Variants in ZNF646 observed in about 807,000 individuals in gnomAD.
ZNF646 encodes zinc finger protein 646.
ZNF646 carries 49 observed loss-of-function variants against 115.4 expected under a neutral mutation model. The observed-to-expected ratio is 0.42, with a 90% CI of 0.34 to 0.54. The LOEUF is 0.54. Ranked by LOEUF, ZNF646 falls within the 20% of genes least tolerant of loss-of-function variation. The pLI is 0.04. For missense variants in ZNF646, 2,269 were observed against 2,457.9 expected, an observed-to-expected ratio of 0.92 and a Z score of 1.62; for synonymous variants, 933 against 939.0, an observed-to-expected ratio of 0.99 and a Z score of 0.12.
At position 31,080,942 on chromosome 16, in the gene ZNF646, T is replaced by TA. The variant is rs1254092647; in HGVS notation, c.4619dup (p.Tyr1540Ter). 6.2e-7 allele frequency: 1 copy of TA among 1,614,122 alleles called. No homozygotes were observed. Among genetic ancestry groups the TA allele is most frequent in the South Asian group, 1.1e-5 (1 of 91,090 alleles). Residue 1540 changes from tyrosine to a stop codon, truncating the protein, a stop_gained and frameshift_variant, in exon 2 of 3, where the codon TAC (tyrosine) becomes TAAC (stop). Transcript: ENST00000300850. LOFTEE classifies it high-confidence loss of function. The part of the protein sequence containing the change: ...HSSCSQCGKT[Y>*]CQSGSLLNHN... ...CTCTTGCAGCCAGTGTGGCAAGACT[T>TA]ACTGCCAGTCAGGCAGCCTCTTGAA... is the stretch of plus-strand genomic sequence containing the variant.
At position 31,080,895 on chromosome 16, in the gene ZNF646, A is replaced by G; in HGVS notation, c.4571A>G (p.Gln1524Arg). The G allele has an allele frequency of 6.2e-7, 1 of 1,614,114 alleles. No individual in the cohort carries two copies. The highest frequency in any genetic ancestry group is 1.1e-5 in the South Asian group (1 of 91,090). ...DSWDNRDNSS[Q>R]LQPGSHSSCS... ...TGGGACAACAGAGACAACAGCTCTC[A>G]GCTGCAGCCAGGGAGCCACTCCTCT... is the stretch of plus-strand genomic sequence containing the variant. Residue 1524 changes from glutamine to arginine, a missense_variant, in exon 2 of 3, where the codon CAG becomes CGG. Coordinates refer to ENST00000300850, the MANE Select transcript of ZNF646 (RefSeq NM_014699.4).
In ZNF646 at chr16:31,076,779, C is replaced by G. The variant is rs1188591668; in HGVS notation, c.455C>G (p.Ser152Cys). The G allele has an allele frequency of 1.2e-6, 2 of 1,613,974 alleles. No homozygotes were observed. Among genetic ancestry groups the G allele is most frequent in the South Asian group, 2.2e-5 (2 of 91,088 alleles). Residue 152 changes from serine (S) to cysteine (C), a missense_variant, in exon 2 of 3, where the codon TCT (serine) becomes TGT (cysteine). Around this residue, in one of 5 missense-constraint regions of ZNF646, gnomAD observed 334 missense variants for 323.5 expected, o/e 1.03. Coordinates refer to ENST00000300850, the MANE Select transcript of ZNF646 (RefSeq NM_014699.4). ...ACAGAAGAGACACCTGACTGTGAAT[C>G]TGTACCTGACCCCAGGGCAGCTTCG... ...KHTEETPDCESVPDPRAASGT... is the reference protein window; with the variant it reads ...KHTEETPDCECVPDPRAASGT...
Position 31,079,974 on chromosome 16 carries a change from G to A in ZNF646, c.3650G>A (p.Ser1217Asn), listed in dbSNP as rs1421335356. 6.2e-7 allele frequency: 1 copy of A among 1,609,320 alleles called. No individual in the cohort carries two copies. The highest frequency in any genetic ancestry group is 1.3e-5 in the African/African-American group (1 of 74,848). ...GGCCGATCCTACAAGCACGCCGGCA[G>A]CCTCATCAACCACCGGCAGAGCCAC... ...VCGRSYKHAG[S>N]LINHRQSHQT... Residue 1217 changes from serine (S) to asparagine (N), a missense_variant, in exon 2 of 3, where the codon AGC (serine) becomes AAC (asparagine). This residue lies in a region of ZNF646 where 1,062 missense variants were observed against 1,172.8 expected (regional missense o/e 0.91). Transcript: ENST00000300850. This position sits in a 1 kb window ranked among gnomAD's most constrained non-coding sequence, Gnocchi z 5.5.
Position 31,084,016 on chromosome 16 carries a change from C to T in ZNF646, c.*924C>T. The T allele has an allele frequency of 6.7e-7, 1 of 1,501,676 alleles. No individual in the cohort carries two copies. Among genetic ancestry groups the T allele is most frequent in the Non-Finnish European group, 8.9e-7 (1 of 1,120,882 alleles). The allele number at this position is 1,501,676 out of a possible 1,614,324, so 93.0% of individuals were successfully genotyped here. ...TCAAATGGGTCTGCCTGTTGCTCCA[C>T]CCTACCCAAGGCAGCTGGAGTGGGT... On this transcript the variant is annotated 3_prime_UTR_variant, in exon 3 of 3. Coordinates refer to ENST00000300850, the MANE Select transcript of ZNF646 (RefSeq NM_014699.4).
At chr16:31,072,833 TCCTGGGCTCGGGGAGCCCTTG>T (rs2057025887), upstream of ZNF646, 2 of 152,366 alleles carry the variant, frequency 1.3e-5, no homozygotes, top group South Asian at 4.1e-4. Context: ...AGATGCAGTT[TCCTGGGCTCGGGGAGCCCTTG>T]CCTGCCTTCT....
Position 31,076,775 on chromosome 16 carries a change from G to A in ZNF646, c.451G>A (p.Glu151Lys), listed in dbSNP as rs1451272971. 6.2e-7 allele frequency: 1 copy of A among 1,613,954 alleles called. No homozygotes were observed. The highest frequency in any genetic ancestry group is 1.1e-5 in the South Asian group (1 of 91,082). The change falls in exon 2 of 3, where the codon GAA (glutamate) becomes AAA (lysine). Residue 151 changes from glutamate to lysine, a missense_variant. Glu to Lys is a moderately conservative substitution (Grantham distance 56). Around this residue, in one of 5 missense-constraint regions of ZNF646, gnomAD observed 334 missense variants for 323.5 expected, o/e 1.03. Coordinates refer to ENST00000300850, the MANE Select transcript of ZNF646 (RefSeq NM_014699.4). ...ACATACAGAAGAGACACCTGACTGT[G>A]AATCTGTACCTGACCCCAGGGCAGC... Reference protein sequence around the residue: ...TKHTEETPDCESVPDPRAASG... With the variant: ...TKHTEETPDCKSVPDPRAASG...
intron 1 of ZNF646, chr16:31,075,777 C>T (rs1245790963): frequency 6.6e-6 from 1 of 152,302 alleles, no homozygotes; most frequent in Non-Finnish European, 1.5e-5. Flanking sequence ...TTCAGTGCTT[C>T]TCAGCTACTC....
chr16:31,076,526 C>G lies in ZNF646; in HGVS notation c.202C>G (p.Arg68Gly), dbSNP rs748056194. ...RHPGSLVNHR[R>G]THETGLFPCT... ...CCCCGGGAGCCTGGTTAACCATCGT[C>G]GGACCCACGAGACTGGCCTTTTCCC... Residue 68 changes from arginine to glycine, a missense_variant, in exon 2 of 3, where the codon CGG (arginine) becomes GGG (glycine). Around this residue, in one of 5 missense-constraint regions of ZNF646, gnomAD observed 334 missense variants for 323.5 expected, o/e 1.03. Coordinates refer to ENST00000300850, the MANE Select transcript of ZNF646 (RefSeq NM_014699.4). The G allele has an allele frequency of 1.2e-6, 2 of 1,613,456 alleles. No individual in the cohort carries two copies. The highest frequency in any genetic ancestry group is 1.1e-5 in the South Asian group (1 of 91,078).
In ZNF646 at chr16:31,078,655, G is replaced by A. The variant is rs983002445; in HGVS notation, c.2331G>A (p.Glu777=). ...SLLDNLDIPG[E]EGGGTHFCDS... The stretch of plus-strand genomic sequence containing the variant: ...TTGACAACTTGGACATCCCAGGTGA[G>A]GAAGGTGGTGGCACTCACTTCTGCG... Residue 777 remains glutamate, a synonymous_variant, in exon 2 of 3, where the codon GAG becomes GAA. Transcript: ENST00000300850. 16 of 1,614,090 alleles carry A rather than the reference G, an allele frequency of 9.9e-6. No homozygotes were observed. In the African/African-American group the frequency reaches 1.2e-4, roughly 12 times the overall value.
rs377163027 is a variant in ZNF646, at chr16:31,080,175, G to A, written c.3851G>A (p.Arg1284His). ...CACCAGCGGGTCCACATGGAACGGC[G>A]TGGGGGTGGGGGCACCCGAAAGGCG... ...ASHQRVHMER[R>H]GGGGTRKATR... The change falls in exon 2 of 3, where the codon CGT (arginine) becomes CAT (histidine). Residue 1284 changes from arginine to histidine, a missense_variant. Arg to His is a conservative substitution (Grantham distance 29). Coordinates refer to ENST00000300850, the MANE Select transcript of ZNF646 (RefSeq NM_014699.4). 23 of 1,610,362 alleles carry A rather than the reference G, an allele frequency of 1.4e-5. No individual in the cohort carries two copies. Among genetic ancestry groups the A allele is most frequent in the African/African-American group, 1.2e-4 (9 of 74,810 alleles).
rs758461491 is a variant in ZNF646, at chr16:31,078,403, G to T, written c.2079G>T (p.Glu693Asp). The change falls in exon 2 of 3, where the codon GAG becomes GAT. Residue 693 changes from glutamate to aspartate, a missense_variant. Transcript: ENST00000300850. Reference protein sequence around the residue: ...GGREAKLLAAESWTRELEDNE... With the variant: ...GGREAKLLAADSWTRELEDNE... ...GAGAAGCCAAACTCCTGGCAGCGGA[G>T]AGCTGGACCCGGGAGCTAGAAGACA... is the stretch of plus-strand genomic sequence containing the variant. 6.2e-7 allele frequency: 1 copy of T among 1,611,166 alleles called. No individual in the cohort carries two copies. Among genetic ancestry groups the T allele is most frequent in the East Asian group, 2.2e-5 (1 of 44,794 alleles).
In ZNF646 at chr16:31,077,457, A is replaced by T; in HGVS notation, c.1133A>T (p.Asp378Val). ...LEEYRPFRCG[D>V]CGRTYRHAGS... ...GAATACCGGCCTTTCCGCTGTGGGG[A>T]CTGTGGCCGTACTTACCGCCATGCT... Residue 378 changes from aspartate (D) to valine (V), a missense_variant, in exon 2 of 3, where the codon GAC (aspartate) becomes GTC (valine). By Grantham distance (152) the Asp-to-Val change is radical. Transcript: ENST00000300850. 1 of 1,613,110 alleles carries T rather than the reference A, an allele frequency of 6.2e-7. No individual in the cohort carries two copies. The highest frequency in any genetic ancestry group is 8.5e-7 in the Non-Finnish European group (1 of 1,179,954).
Position 31,078,199 on chromosome 16 carries a change from C to G in ZNF646, c.1875C>G (p.Ser625Arg), listed in dbSNP as rs761382085. 6.2e-7 allele frequency: 1 copy of G among 1,614,106 alleles called. No homozygotes were observed. The highest frequency in any genetic ancestry group is 8.5e-7 in the Non-Finnish European group (1 of 1,180,046). Residue 625 changes from serine to arginine, a missense_variant, in exon 2 of 3, where the codon AGC becomes AGG. By Grantham distance (110) the Ser-to-Arg change is moderately radical (BLOSUM62 -1). Around this residue, in one of 5 missense-constraint regions of ZNF646, gnomAD observed 852 missense variants for 900.2 expected, o/e 0.95. Coordinates refer to ENST00000300850, the MANE Select transcript of ZNF646 (RefSeq NM_014699.4). ...TTGCCTGCCGAGACTGTGGAAAGAG[C>G]TATCGCCACTCAGGCAGCCTTATCA... ...RAFACRDCGK[S>R]YRHSGSLINH... is the part of the protein sequence containing the mutation.
chr16:31,080,302 C>T lies in ZNF646; in HGVS notation c.3978C>T (p.Tyr1326=). Residue 1326 remains tyrosine (Y), a synonymous_variant, in exon 2 of 3, where the codon TAC becomes TAT. Transcript: ENST00000300850. ...GGCGCAGCCACGAGACGGGCCAGTA[C>T]AGCTGCCCCACCTGCCCCAAGACCT... The part of the protein sequence containing the change: ...NHRRSHETGQ[Y]SCPTCPKTYS... 6.2e-7 allele frequency: 1 copy of T among 1,613,322 alleles called. No homozygotes were observed. Among genetic ancestry groups the T allele is most frequent in the Non-Finnish European group, 8.5e-7 (1 of 1,179,882 alleles).
Position 31,079,454 on chromosome 16 carries a change from T to C in ZNF646, c.3130T>C (p.Leu1044=). 1 of 1,613,350 alleles carries C rather than the reference T, an allele frequency of 6.2e-7. No individual in the cohort carries two copies. Among genetic ancestry groups the C allele is most frequent in the Non-Finnish European group, 8.5e-7 (1 of 1,179,826 alleles). Residue 1044 remains leucine (L), a synonymous_variant, in exon 2 of 3, where the codon TTG becomes CTG. Transcript: ENST00000300850. This position sits in a 1 kb window ranked among gnomAD's most constrained non-coding sequence, Gnocchi z 5.5. The part of the protein sequence containing the change: ...DSLCIQGGES[L]LEAQPRPFRC... ...CCTCTGCATCCAGGGTGGGGAAAGTTTGTTGGAGGCTCAGCCCCGCCCCTT... is the reference window on the plus strand; with the variant it reads ...CCTCTGCATCCAGGGTGGGGAAAGTCTGTTGGAGGCTCAGCCCCGCCCCTT...
At position 31,083,631 on chromosome 16, in the gene ZNF646, T is replaced by C; in HGVS notation, c.*539T>C. 1 of 1,511,370 alleles carries C rather than the reference T, an allele frequency of 6.6e-7. No individual in the cohort carries two copies. Among genetic ancestry groups the C allele is most frequent in the South Asian group, 1.3e-5 (1 of 77,054 alleles). The allele number at this position is 1,511,370 out of a possible 1,614,324, so 93.6% of individuals were successfully genotyped here. On this transcript the variant is annotated 3_prime_UTR_variant, in exon 3 of 3. Transcript: ENST00000300850. Reference sequence around the variant, plus strand: ...CACCCCTGTCCTGCAGGGTGGGGAGTGGGCACCTGTGGCCCCAGGCAGGTT... The same window carrying C: ...CACCCCTGTCCTGCAGGGTGGGGAGCGGGCACCTGTGGCCCCAGGCAGGTT...
rs374257528 is a variant in ZNF646, at chr16:31,080,288, G to A, written c.3964G>A (p.Glu1322Lys). Residue 1322 changes from glutamate to lysine, a missense_variant, in exon 2 of 3, where the codon GAG becomes AAG. By Grantham distance (56) the Glu-to-Lys change is moderately conservative. Transcript: ENST00000300850. The stretch of plus-strand genomic sequence containing the variant: ...CCTCCTGAACCACCGGCGCAGCCAC[G>A]AGACGGGCCAGTACAGCTGCCCCAC... The part of the protein sequence containing the change: ...GSLLNHRRSH[E>K]TGQYSCPTCP... 8.7e-6 allele frequency: 14 copies of A among 1,612,830 alleles called. No homozygotes were observed. The highest frequency in any genetic ancestry group is 4.0e-5 in the African/African-American group (3 of 74,932).
At chr16:31,074,245 T>C (rs1452418808), upstream of ZNF646, 2 of 152,256 alleles carry the variant, frequency 1.3e-5, no homozygotes, top group Non-Finnish European at 2.9e-5. Flanking sequence ...GTGGCTAGCT[T>C]AGCGTGCAAA....
At position 31,077,554 on chromosome 16, in the gene ZNF646, G is replaced by A; in HGVS notation, c.1230G>A (p.Leu410=). ...VYPCSLCSKQ[L]FNAAALKNHV... is the part of the protein sequence containing the mutation. ...CCTGCTCACTCTGTTCTAAGCAGCT[G>A]TTCAATGCGGCTGCCCTCAAAAACC... The change falls in exon 2 of 3, where the codon CTG becomes CTA. Residue 410 remains leucine, a synonymous_variant. Coordinates refer to ENST00000300850, the MANE Select transcript of ZNF646 (RefSeq NM_014699.4). The A allele has an allele frequency of 6.2e-7, 1 of 1,613,314 alleles. No homozygotes were observed. Among genetic ancestry groups the A allele is most frequent in the Non-Finnish European group, 8.5e-7 (1 of 1,179,614 alleles).
Sources: allele counts gnomAD v4.1 joint callset, GRCh38; gene constraint gnomAD v4.1.1; regional missense constraint gnomAD v4.1.1; non-coding constraint Gnocchi (gnomAD v3.1); transcripts MANE v1.5; gene names NCBI Gene and HGNC (gene_info 2026-07-23, HGNC 2026-07-21).